Variants in PLPPR4 observed in about 807,000 individuals in gnomAD.
PLPPR4 encodes phospholipid phosphatase-related protein type 4.
PLPPR4 carries 24 observed loss-of-function variants against 56.6 expected under a neutral mutation model. The observed-to-expected ratio is 0.42, with a 90% CI of 0.31 to 0.60. The LOEUF (loss-of-function observed/expected upper bound fraction) is 0.60. PLPPR4 is among the 20% of genes least tolerant of loss of function. The pLI is 0.13. For synonymous variants in PLPPR4, 326 were observed against 328.1 expected (o/e 0.99, Z 0.07); for missense variants, 654 against 885.8 (o/e 0.74, Z 3.32).
Position 99,306,172 on chromosome 1 carries a change from C to T in PLPPR4, c.1310C>T (p.Pro437Leu), listed in dbSNP as rs1317023513. The T allele has an allele frequency of 6.2e-7, 1 of 1,614,088 alleles. No individual in the cohort carries two copies. The stretch of plus-strand genomic sequence containing the variant: ...ATAGAAATGAGGTCAAGCTCAGAGC[C>T]ATCGAGGGTAGGGGTGAATGGAGAC... ...RSIEMRSSSE[P>L]SRVGVNGDHH... Residue 437 changes from proline (P) to leucine (L), a missense_variant, in exon 7 of 7, where the codon CCA becomes CTA. Coordinates refer to ENST00000370185, the MANE Select transcript of PLPPR4 (RefSeq NM_014839.5). This position sits in a 1 kb window ranked among gnomAD's most constrained non-coding sequence, Gnocchi z 4.0.
chr1:99,297,136 A>T (rs1254402625), intron 3 of PLPPR4, among the ~76,000 whole-genome samples: 2 of 152,120 alleles, frequency 1.3e-5, no homozygotes, highest in Non-Finnish European at 2.9e-5. Flanking sequence ...TGAAGTATGA[A>T]TTTATTTTAA....
In PLPPR4 at chr1:99,298,789, T is replaced by C. The variant is rs573872115; in HGVS notation, c.395-246T>C. 5.0e-5 allele frequency: 31 copies of C among 615,054 alleles called. 1 individual carries two copies. In the South Asian group the frequency reaches 5.9e-4, roughly 12 times the overall value. 38.1% of individuals were successfully genotyped at this position (615,054 alleles called of 1,614,324 possible). A position where few individuals can be genotyped will look rare whatever the true frequency, so the allele number is the denominator to read the frequency against. On this transcript the variant is annotated intron_variant, in intron 3 of 6. Transcript: ENST00000370185. Reference sequence around the variant, plus strand: ...AGTGACTTACAGTTAATGTTAAGAATTGGCACTTTATCACCAAATTAACAA... The same window carrying C: ...AGTGACTTACAGTTAATGTTAAGAACTGGCACTTTATCACCAAATTAACAA...
chr1:99,273,065 G>T (rs192182015), intron 1 of PLPPR4, among the ~76,000 whole-genome samples: 1 of 152,036 alleles, frequency 6.6e-6, no homozygotes, highest in Non-Finnish European at 1.5e-5. Context: ...GATAACTATC[G>T]AATGGAGTAA....
intron 2 of PLPPR4, among the ~76,000 whole-genome samples, chr1:99,290,762 C>A (rs1659596837): frequency 6.6e-6 from 1 of 151,926 alleles, no homozygotes. Context: ...GAAACTGGAC[C>A]CCTTCCTTAC....
At chr1:99,298,276 C>T (rs191921043) in intron 3 of PLPPR4, among the ~76,000 whole-genome samples, 34 of 152,190 alleles carry the variant, frequency 2.2e-4, no homozygotes, top group Admixed American at 1.1e-3. Context: ...GAGAAAGTTC[C>T]AGATCATGTG....
At chr1:99,265,822 G>C (rs61785112) in intron 1 of PLPPR4, among the ~76,000 whole-genome samples, 8,731 of 152,124 alleles carry the variant, frequency 0.057, 439 homozygotes, top group African/African-American at 0.13. Context: ...AGACATTGTC[G>C]GACTGTTCTT....
At chr1:99,299,263 T>C (rs367583366) in intron 4 of PLPPR4, 33 bp downstream of exon 4, 14 of 1,482,192 alleles carry the variant, frequency 9.4e-6, no homozygotes, top group Admixed American at 6.9e-5. Context: ...CTCTGCATCA[T>C]TGTTTTCATT....
chr1:99,277,654 C>T (rs892121426), intron 1 of PLPPR4, among the ~76,000 whole-genome samples: 1 of 152,012 alleles, frequency 6.6e-6, no homozygotes, highest in African/African-American at 2.4e-5. Context: ...AAAGCTTCAT[C>T]ATAAATTCAA....
chr1:99,298,373 AT>A (rs1162021917), intron 3 of PLPPR4, among the ~76,000 whole-genome samples: 1 of 152,126 alleles, frequency 6.6e-6, no homozygotes, highest in Admixed American at 6.6e-5. Flanking sequence ...AAGTGCAAGG[AT>A]TTTTTTATTT....
chr1:99,297,347 T>C (rs1659769349), intron 3 of PLPPR4, among the ~76,000 whole-genome samples: 1 of 152,164 alleles, frequency 6.6e-6, no homozygotes, highest in South Asian at 2.1e-4. Context: ...TTTTCCTTGG[T>C]TGTAGCCCCT....
Position 99,288,107 on chromosome 1 carries a change from T to C in PLPPR4, c.221T>C (p.Phe74Ser), listed in dbSNP as rs1469039312. 2 of 1,613,634 alleles carry C rather than the reference T, an allele frequency of 1.2e-6. No individual in the cohort carries two copies. The highest frequency in any genetic ancestry group is 4.5e-5 in the East Asian group (2 of 44,874). ...YIEPTQEAIP[F>S]LMLLSLAFAG... ...GAACCAACCCAGGAGGCAATTCCATTCCTCATGTTGCTTAGCTTGGCTTTT... is the reference window on the plus strand; with the variant it reads ...GAACCAACCCAGGAGGCAATTCCATCCCTCATGTTGCTTAGCTTGGCTTTT... The change falls in exon 2 of 7, where the codon TTC becomes TCC. Residue 74 changes from phenylalanine to serine, a missense_variant. Physicochemically the swap from Phe to Ser is radical, Grantham distance 155. Around this residue, in one of 2 missense-constraint regions of PLPPR4, gnomAD observed 186 missense variants for 331.4 expected, o/e 0.56. Coordinates refer to ENST00000370185, the MANE Select transcript of PLPPR4 (RefSeq NM_014839.5).
In PLPPR4 at chr1:99,307,084, A is replaced by T; in HGVS notation, c.*74A>T. 1 of 1,501,694 alleles carries T rather than the reference A, an allele frequency of 6.7e-7. No homozygotes were observed. The highest frequency in any genetic ancestry group is 8.9e-7 in the Non-Finnish European group (1 of 1,128,244). The allele number at this position is 1,501,694 out of a possible 1,614,324, so 93.0% of individuals were successfully genotyped here. ...ATTCTACCTGTGTTCTGTTCCAGCG[A>T]ATTGGGAAGTCTCACCAAGCTAGAT... On this transcript the variant is annotated 3_prime_UTR_variant, in exon 7 of 7. Coordinates refer to ENST00000370185, the MANE Select transcript of PLPPR4 (RefSeq NM_014839.5).
intron 1 of PLPPR4, among the ~76,000 whole-genome samples, chr1:99,265,562 A>T (rs1198006958): frequency 6.6e-6 from 1 of 152,204 alleles, no homozygotes; most frequent in Non-Finnish European, 1.5e-5. Flanking sequence ...CAGATACTGA[A>T]GGGTTGTATT....
chr1:99,299,153 T>C lies in PLPPR4; in HGVS notation c.513T>C (p.Asn171=). The C allele has an allele frequency of 6.2e-7, 1 of 1,613,396 alleles. No homozygotes were observed. The highest frequency in any genetic ancestry group is 2.2e-5 in the East Asian group (1 of 44,840). ...GCAAACCAAACTATACCTCTCTGAA[T>C]GTATCTTGCAAAGAAAATTCCTACA... ...TVCKPNYTSL[N]VSCKENSYIV... The change falls in exon 4 of 7, where the codon AAT becomes AAC. Residue 171 remains asparagine (N), a synonymous_variant. Transcript: ENST00000370185.
chr1:99,304,182 C>G (rs985776614), intron 6 of PLPPR4, among the ~76,000 whole-genome samples: 1 of 152,024 alleles, frequency 6.6e-6, no homozygotes, highest in Non-Finnish European at 1.5e-5. Context: ...CATGGTGATC[C>G]CATAAGATTA....
At chr1:99,297,008 A>C in intron 3 of PLPPR4, 141 bp downstream of exon 3, 1 of 893,244 alleles carries the variant, frequency 1.1e-6, no homozygotes, top group East Asian at 3.4e-5. Flanking sequence ...TTGTACAAGA[A>C]ACTGTTAAAA....
chr1:99,306,342 G>C lies in PLPPR4; in HGVS notation c.1480G>C (p.Glu494Gln). Reference sequence around the variant, plus strand: ...GGTGCACATCCCTGAGGAGACTCAGGAAAACATAAGCACCTCCCCCAAAAG... The same window carrying C: ...GGTGCACATCCCTGAGGAGACTCAGCAAAACATAAGCACCTCCCCCAAAAG... ...QLVHIPEETQENISTSPKSSS... is the reference protein window; with the variant it reads ...QLVHIPEETQQNISTSPKSSS... The change falls in exon 7 of 7, where the codon GAA (glutamate) becomes CAA (glutamine). Residue 494 changes from glutamate (E) to glutamine (Q), a missense_variant. Around this residue, in one of 2 missense-constraint regions of PLPPR4, gnomAD observed 468 missense variants for 554.3 expected, o/e 0.84. Coordinates refer to ENST00000370185, the MANE Select transcript of PLPPR4 (RefSeq NM_014839.5). This position sits in a 1 kb window ranked among gnomAD's most constrained non-coding sequence, Gnocchi z 4.0. 1 of 1,614,138 alleles carries C rather than the reference G, an allele frequency of 6.2e-7. No individual in the cohort carries two copies. The highest frequency in any genetic ancestry group is 8.5e-7 in the Non-Finnish European group (1 of 1,180,018).
At chr1:99,286,667 G>A (rs1570914848) in intron 1 of PLPPR4, among the ~76,000 whole-genome samples, 1 of 152,136 alleles carries the variant, frequency 6.6e-6, no homozygotes, top group South Asian at 2.1e-4. Context: ...ACAAAAGGAA[G>A]AAGAAACAGC....
Position 99,306,711 on chromosome 1 carries a change from G to A in PLPPR4, c.1849G>A (p.Asp617Asn). 5 of 1,614,008 alleles carry A rather than the reference G, an allele frequency of 3.1e-6. No individual in the cohort carries two copies. The highest frequency in any genetic ancestry group is 2.2e-5 in the East Asian group (1 of 44,822). ...GSLRQTYELN[D>N]LNRDSESCES... The stretch of plus-strand genomic sequence containing the variant: ...CCTTCGCCAAACTTACGAGCTCAAC[G>A]ATCTCAACAGGGACTCAGAAAGCTG... Residue 617 changes from aspartate (D) to asparagine (N), a missense_variant, in exon 7 of 7, where the codon GAT (aspartate) becomes AAT (asparagine). Coordinates refer to ENST00000370185, the MANE Select transcript of PLPPR4 (RefSeq NM_014839.5). This position sits in a 1 kb window ranked among gnomAD's most constrained non-coding sequence, Gnocchi z 4.0.
Sources: gnomAD v4.1 joint callset for allele counts (sites outside exome capture counted in the v4.1 genomes callset) on GRCh38, gnomAD v4.1.1 for gene constraint, gnomAD v4.1.1 regional missense constraint, Gnocchi (gnomAD v3.1) non-coding constraint, MANE v1.5 for transcripts, NCBI Gene and HGNC (gene_info 2026-07-23, HGNC 2026-07-21) for gene names.